CSMD3: variants seen among roughly 807,000 people sequenced by gnomAD.
The protein encoded by CSMD3 is CUB and Sushi multiple domains 3, also known as CUB and sushi domain-containing protein 3.
In CSMD3, 177 loss-of-function variants were observed where a neutral mutation model predicts 435.2. That is an observed-to-expected ratio of 0.41 (90% CI 0.36 to 0.46). The LOEUF (loss-of-function observed/expected upper bound fraction) is 0.46, where lower values mean the gene tolerates loss of function less well. Among genes scored for constraint, CSMD3 ranks in the 20% least tolerant of loss-of-function variants. The pLI, the probability that CSMD3 is intolerant of heterozygous loss-of-function variation, is 0.34. For missense variants in CSMD3, 4,265 were observed against 4,504.6 expected, an observed-to-expected ratio of 0.95 and a Z score of 1.52; for synonymous variants, 1,656 against 1,520.5, an observed-to-expected ratio of 1.09 and a Z score of -2.07.
chr8:112,224,994 C>A (rs1288377451), intron 70 of CSMD3, 64 bp from the exon 71 acceptor site: 1 of 1,426,088 alleles, frequency 7.0e-7, no homozygotes, highest in South Asian at 1.1e-5. Context: ...GACTACAGCT[C>A]AAACATAATG....
At chr8:112,518,471 G>C (rs754864328) in intron 27 of CSMD3, among the ~76,000 whole-genome samples, 3 of 152,090 alleles carry the variant, frequency 2.0e-5, no homozygotes, top group Admixed American at 1.3e-4. Flanking sequence ...CTGTCCGTCT[G>C]CACTAAATTT....
chr8:112,578,137 A>C (rs1384222189), intron 23 of CSMD3, among the ~76,000 whole-genome samples: 3 of 152,052 alleles, frequency 2.0e-5, no homozygotes, highest in Non-Finnish European at 4.4e-5. Context: ...ATGGTCAATC[A>C]AAAAAGTCTC....
At chr8:112,597,408 A>G (rs1217669053) in intron 22 of CSMD3, among the ~76,000 whole-genome samples, 2 of 143,182 alleles carry the variant, frequency 1.4e-5, no homozygotes, top group African/African-American at 5.3e-5. Flanking sequence ...CCAGGACCAG[A>G]TGGATTCACA....
chr8:113,082,230 T>C (rs11985196), intron 5 of CSMD3, among the ~76,000 whole-genome samples: 102,100 of 151,940 alleles, frequency 0.67, 35,922 homozygotes, highest in East Asian at 0.95. Context: ...AGTGTGAGGA[T>C]AGACCCACCT....
chr8:113,074,778 T>C (rs1034826740), intron 5 of CSMD3, among the ~76,000 whole-genome samples: 10 of 151,772 alleles, frequency 6.6e-5, no homozygotes, highest in African/African-American at 1.9e-4. Flanking sequence ...AAGAAACCCA[T>C]TATACATTTG....
chr8:112,950,074 A>T (rs147187210), intron 8 of CSMD3, among the ~76,000 whole-genome samples: 3 of 152,010 alleles, frequency 2.0e-5, no homozygotes, highest in African/African-American at 7.2e-5. Flanking sequence ...TTATCTTAAT[A>T]CAGTATAAAT....
intron 10 of CSMD3, among the ~76,000 whole-genome samples, chr8:112,912,946 G>C (rs1376290939): frequency 3.3e-5 from 5 of 151,932 alleles, no homozygotes; most frequent in African/African-American, 9.7e-5. Context: ...TGGCCAACAG[G>C]TATATGGAAA....
At chr8:112,551,201 A>G (rs2131192982) in intron 26 of CSMD3, among the ~76,000 whole-genome samples, 1 of 152,210 alleles carries the variant, frequency 6.6e-6, no homozygotes, top group South Asian at 2.1e-4. Context: ...ACTGTGCAAA[A>G]TGCGTTACAT....
chr8:112,376,668 T>C (rs1487482842), intron 38 of CSMD3, among the ~76,000 whole-genome samples: 1 of 152,144 alleles, frequency 6.6e-6, no homozygotes, highest in Non-Finnish European at 1.5e-5. Flanking sequence ...CTAAACCCCA[T>C]TATGGACACC....
intron 6 of CSMD3, among the ~76,000 whole-genome samples, chr8:113,015,870 A>G (rs13259543): frequency 9.9e-5 from 15 of 151,870 alleles, no homozygotes; most frequent in Non-Finnish European, 5.9e-5. Context: ...AATAATATAG[A>G]GTTTTCAAAA....
At position 112,337,572 on chromosome 8, in the gene CSMD3, T is replaced by C. The variant is rs1407879382; in HGVS notation, c.6812A>G (p.Asn2271Ser). The C allele has an allele frequency of 6.2e-7, 1 of 1,613,750 alleles. No homozygotes were observed. The highest frequency in any genetic ancestry group is 1.3e-5 in the African/African-American group (1 of 74,906). ...ALTCLHGVSR[N>S]WNHPLPRCEA... ...ACACCTTGGAAGTGGATGATTCCAA[T>C]TACGACTGACTCCGTGAAGGCATGT... The change falls in exon 43 of 71, where the codon AAT (asparagine) becomes AGT (serine). Residue 2271 changes from asparagine to serine, a missense_variant. Physicochemically the swap from Asn to Ser is conservative, Grantham distance 46. Transcript: ENST00000297405.
At chr8:112,266,714 A>G (rs1005552644) in intron 59 of CSMD3, among the ~76,000 whole-genome samples, 1 of 152,196 alleles carries the variant, frequency 6.6e-6, no homozygotes, top group African/African-American at 2.4e-5. Context: ...AACACAAATA[A>G]CAATTTCATT....
At chr8:112,476,620 AT>A (rs1370656019) in intron 31 of CSMD3, among the ~76,000 whole-genome samples, 22 of 152,186 alleles carry the variant, frequency 1.4e-4, no homozygotes, top group African/African-American at 5.3e-4. Flanking sequence ...TTTAATGTTT[AT>A]GTAATTGATA....
In CSMD3 at chr8:112,921,032, CACAT is replaced by C. The variant is rs748458216; in HGVS notation, c.1633+591_1633+594del. Among the ~76,000 whole-genome samples the C allele has an allele frequency of 5.8e-3, 798 of 137,752 alleles. 10 individuals are homozygous for C. The highest frequency in any genetic ancestry group is 0.027 in the South Asian group (116 of 4,358). The allele number at this position is 137,752 out of a possible 152,430, so 90.4% of individuals were successfully genotyped here. A position where few individuals can be genotyped will look rare whatever the true frequency, so the allele number is the denominator to read the frequency against. On this transcript the variant is annotated intron_variant, in intron 10 of 70. Coordinates refer to ENST00000297405, the MANE Select transcript of CSMD3 (RefSeq NM_198123.2). ...ACACACACACACACACACACACACA[CACAT>C]ATATATACCTCCAGTAATTCCAGAT...
intron 13 of CSMD3, among the ~76,000 whole-genome samples, chr8:112,775,531 C>CAT (rs10684524): frequency 0.83 from 125,232 of 151,618 alleles, 51,858 homozygotes; most frequent in East Asian, 0.92. Flanking sequence ...TATTTTAAAT[C>CAT]GTAGCAAAAA....
intron 24 of CSMD3, among the ~76,000 whole-genome samples, chr8:112,565,680 A>G (rs2131269010): frequency 6.6e-6 from 1 of 152,256 alleles, no homozygotes; most frequent in South Asian, 2.1e-4. Flanking sequence ...CTGAGCCCAG[A>G]GTACTGACTA....
In CSMD3 at chr8:113,105,380, T is replaced by C. The variant is rs77036880; in HGVS notation, c.710-6417A>G. Among the ~76,000 whole-genome samples, 1,414 of 152,132 alleles carry C rather than the reference T, an allele frequency of 9.3e-3. 15 individuals are homozygous for C. Among genetic ancestry groups the C allele is most frequent in the African/African-American group, 0.033 (1,351 of 41,510 alleles). ...ATAGTGTTTCTTTCAGCTCAGTACA[T>C]AGAATTCAGGAAGCATGAGCAATGG... On this transcript the variant is annotated intron_variant, in intron 4 of 70. Transcript: ENST00000297405.
intron 13 of CSMD3, among the ~76,000 whole-genome samples, chr8:112,702,589 G>A (rs1443379165): frequency 1.3e-5 from 2 of 151,884 alleles, no homozygotes; most frequent in African/African-American, 4.8e-5. Flanking sequence ...TCCTACTTCC[G>A]GGGTGGGGGG....
intron 10 of CSMD3, among the ~76,000 whole-genome samples, chr8:112,901,686 T>G (rs1456178442): frequency 2.0e-5 from 3 of 151,318 alleles, no homozygotes; most frequent in Non-Finnish European, 4.4e-5. Flanking sequence ...GGGATGGGAC[T>G]GAAGTCTTTC....
Sources: gnomAD v4.1 joint callset for allele counts (sites outside exome capture counted in the v4.1 genomes callset) on GRCh38, gnomAD v4.1.1 for gene constraint, MANE v1.5 for transcripts, NCBI Gene and HGNC (gene_info 2026-07-23, HGNC 2026-07-21) for gene names.